NRXN2: variants seen among roughly 807,000 people sequenced by gnomAD.
The protein encoded by NRXN2 is neurexin-2-beta.
NRXN2 carries 29 observed loss-of-function variants against 128.8 expected under a neutral mutation model. The observed-to-expected ratio is 0.23, with a 90% confidence interval of 0.17 to 0.31. The LOEUF is 0.31. Among genes scored for constraint, NRXN2 ranks in the 10% least tolerant of loss-of-function variants. The pLI is 1.00. For synonymous variants in NRXN2, 1,098 were observed against 1,075.2 expected (o/e 1.02, Z -0.41); for missense variants, 1,881 against 2,452.6 (o/e 0.77, Z 4.92).
rs487662 is a variant in NRXN2, at chr11:64,714,408, G to A, written c.-244-465C>T. Among the ~76,000 whole-genome samples, 90,124 of 151,882 alleles carry A rather than the reference G, an allele frequency of 0.59. 29,341 individuals carry two copies. The highest frequency in any genetic ancestry group is 0.78 in the Middle Eastern group (230 of 294). ...GCTCTTGATACTGGATAATGAAGTT[G>A]CTAAATAATTCATTGGGATTAATTA... is the stretch of plus-strand genomic sequence containing the variant. On this transcript the variant is annotated intron_variant, in intron 1 of 22. Transcript: ENST00000265459. This position sits in a 1 kb window ranked among gnomAD's most constrained non-coding sequence, Gnocchi z 4.5.
chr11:64,624,540 G>C (rs2042834332), intron 20 of NRXN2, among the ~76,000 whole-genome samples: 1 of 152,244 alleles, frequency 6.6e-6, no homozygotes, highest in Non-Finnish European at 1.5e-5. Context: ...GAAGACCTCT[G>C]CATCAAAGTT....
intron 6 of NRXN2, among the ~76,000 whole-genome samples, chr11:64,677,502 G>A (rs1015382043): frequency 2.6e-5 from 4 of 152,116 alleles, no homozygotes; most frequent in African/African-American, 9.7e-5. Context: ...AGGTTAGTTC[G>A]GTTTTTCACT....
In NRXN2 at chr11:64,630,288, G is replaced by T. The variant is rs924895383; in HGVS notation, c.3757+114C>A. The T allele has an allele frequency of 7.1e-6, 7 of 990,624 alleles. No individual in the cohort carries two copies. Among genetic ancestry groups the T allele is most frequent in the Non-Finnish European group, 1.0e-5 (7 of 697,484 alleles). 61.4% of individuals were successfully genotyped at this position (990,624 alleles called of 1,614,324 possible). The stretch of plus-strand genomic sequence containing the variant: ...GTCTCTCCAGTAGCCCCGCCCCAGA[G>T]CCGCTTAGCCCCGCCCCAGAGCCGC... On this transcript the variant is annotated intron_variant, in intron 19 of 22. Coordinates refer to ENST00000265459, the MANE Select transcript of NRXN2 (RefSeq NM_015080.4). The surrounding 1 kb of genome is among the most constrained non-coding windows in gnomAD (Gnocchi z 4.6).
intron 7 of NRXN2, among the ~76,000 whole-genome samples, chr11:64,674,894 G>A (rs1274985255): frequency 1.3e-5 from 2 of 152,214 alleles, no homozygotes; most frequent in East Asian, 3.8e-4. Context: ...AGGCAATGCA[G>A]GTATACTACC....
intron 2 of NRXN2, among the ~76,000 whole-genome samples, chr11:64,699,264 C>T (rs1176644639): frequency 1.3e-5 from 2 of 152,112 alleles, no homozygotes; most frequent in South Asian, 4.1e-4. Flanking sequence ...GTGGCTAAAG[C>T]CATACAGCCA....
Position 64,622,646 on chromosome 11 carries a change from C to T in NRXN2, c.4173+107G>A, listed in dbSNP as rs560169319. The T allele has an allele frequency of 5.4e-6, 8 of 1,469,720 alleles. No homozygotes were observed. The South Asian group carries it at 9.0e-5, about 16-fold the overall frequency. 91.0% of individuals were successfully genotyped at this position (1,469,720 alleles called of 1,614,324 possible). A position where few individuals can be genotyped will look rare whatever the true frequency, so the allele number is the denominator to read the frequency against. On this transcript the variant is annotated intron_variant, in intron 21 of 22. Coordinates refer to ENST00000265459, the MANE Select transcript of NRXN2 (RefSeq NM_015080.4). This position sits in a 1 kb window ranked among gnomAD's most constrained non-coding sequence, Gnocchi z 4.3. Reference sequence around the variant, plus strand: ...GCGACAGCAGCCTTCAGGATCCCAACAGACCCCTTGGACCCTCACTCTAGG... The same window carrying T: ...GCGACAGCAGCCTTCAGGATCCCAATAGACCCCTTGGACCCTCACTCTAGG...
chr11:64,653,479 C>A (rs1348424779), intron 12 of NRXN2, among the ~76,000 whole-genome samples: 1 of 152,122 alleles, frequency 6.6e-6, no homozygotes, highest in East Asian at 1.9e-4. Flanking sequence ...GCAGGCCCTC[C>A]CCCAGCTCTC....
At position 64,607,070 on chromosome 11, in the gene NRXN2, T is replaced by C. The variant is rs2039741146; in HGVS notation, c.*126A>G. The C allele has an allele frequency of 9.6e-7, 1 of 1,043,406 alleles. No individual in the cohort carries two copies. The allele number at this position is 1,043,406 out of a possible 1,614,324, so 64.6% of individuals were successfully genotyped here. A position where few individuals can be genotyped will look rare whatever the true frequency, so the allele number is the denominator to read the frequency against. ...TTTCCTTTTCTTTTTTTGCGTTTCCTCTTCGTAAGAGAAGCCTGAGGCAGC... is the reference window on the plus strand; with the variant it reads ...TTTCCTTTTCTTTTTTTGCGTTTCCCCTTCGTAAGAGAAGCCTGAGGCAGC... On this transcript the variant is annotated 3_prime_UTR_variant, in exon 23 of 23. Coordinates refer to ENST00000265459, the MANE Select transcript of NRXN2 (RefSeq NM_015080.4).
At position 64,607,811 on chromosome 11, in the gene NRXN2, C is replaced by T. The variant is rs757120690; in HGVS notation, c.4524G>A (p.Thr1508=). The change falls in exon 23 of 23, where the codon ACG becomes ACA. Residue 1508 remains threonine (T), a synonymous_variant. Transcript: ENST00000265459. The part of the protein sequence containing the change: ...GEVFDSSLPP[T]DDEDFYTTFP... ...AGGTGGTGTAAAAGTCCTCGTCGTC[C>T]GTGGGGGGGAGGCTGGAGTCAAAGA... The T allele has an allele frequency of 4.4e-6, 7 of 1,601,490 alleles. 1 individual carries two copies. The highest frequency in any genetic ancestry group is 3.4e-5 in the South Asian group (3 of 88,658).
chr11:64,681,495 T>A (rs1031818794), intron 6 of NRXN2, among the ~76,000 whole-genome samples: 1 of 152,220 alleles, frequency 6.6e-6, no homozygotes, highest in African/African-American at 2.4e-5. Flanking sequence ...GAAGGCTTTT[T>A]GAAGAAGGTG....
chr11:64,678,347 A>G (rs1021250652), intron 6 of NRXN2, among the ~76,000 whole-genome samples: 1 of 151,696 alleles, frequency 6.6e-6, no homozygotes, highest in Non-Finnish European at 1.5e-5. Flanking sequence ...CCCCAACCCC[A>G]TTCTCTCACT....
Position 64,685,896 on chromosome 11 carries a change from T to C in NRXN2, c.902A>G (p.Asp301Gly). The C allele has an allele frequency of 3.1e-6, 5 of 1,614,086 alleles. No homozygotes were observed. The highest frequency in any genetic ancestry group is 4.2e-6 in the Non-Finnish European group (5 of 1,180,004). Reference protein sequence around the residue: ...TFKGNEFFCYDLSHNPIQSST... With the variant: ...TFKGNEFFCYGLSHNPIQSST... ...GCTCTGGATGGGGTTGTGTGACAGG[T>C]CGTAGCAGAAGAACTCATTGCCTTT... Residue 301 changes from aspartate to glycine, a missense_variant, in exon 6 of 23, where the codon GAC becomes GGC. Asp to Gly is a moderately conservative substitution (Grantham distance 94). Around this residue, in one of 7 missense-constraint regions of NRXN2, gnomAD observed 997 missense variants for 1,240.8 expected, o/e 0.80. Coordinates refer to ENST00000265459, the MANE Select transcript of NRXN2 (RefSeq NM_015080.4).
chr11:64,692,988 G>C (rs1194705843), intron 3 of NRXN2, 112 bp from the exon 4 acceptor site: 7 of 913,628 alleles, frequency 7.7e-6, no homozygotes, highest in African/African-American at 1.7e-5. Context: ...CAGAGAGAAG[G>C]GAGAAAAAAG....
Position 64,667,694 on chromosome 11 carries a change from G to A in NRXN2, c.1360-6C>T, listed in dbSNP as rs1414139678. On this transcript the variant is annotated splice_region_variant and splice_polypyrimidine_tract_variant and intron_variant, in intron 8 of 22. Transcript: ENST00000265459. The surrounding 1 kb of genome is among the most constrained non-coding windows in gnomAD (Gnocchi z 5.6). ...TCATTGTTCTTATAGACCACCTGCA[G>A]GGAGGGGTGGGGTCAGGGATAAAGA... 4 of 1,613,744 alleles carry A rather than the reference G, an allele frequency of 2.5e-6. No individual in the cohort carries two copies. The highest frequency in any genetic ancestry group is 2.5e-6 in the Non-Finnish European group (3 of 1,179,932).
rs186124147 is a variant in NRXN2 at position 64,667,812 on chromosome 11, C to T, written c.1360-124G>A. The T allele has an allele frequency of 5.0e-5, 42 of 843,724 alleles. 1 individual carries two copies. In the Admixed American group the frequency reaches 6.3e-4, roughly 13 times the overall value. 52.3% of individuals were successfully genotyped at this position (843,724 alleles called of 1,614,324 possible). A position where few individuals can be genotyped will look rare whatever the true frequency, so the allele number is the denominator to read the frequency against. ...CCCCTGTAGCCCCTGCTCAGTTCCA[C>T]CAGACCACCCGCTTAGGCCTCTGTT... On this transcript the variant is annotated intron_variant, in intron 8 of 22. Coordinates refer to ENST00000265459, the MANE Select transcript of NRXN2 (RefSeq NM_015080.4). The surrounding 1 kb of genome is among the most constrained non-coding windows in gnomAD (Gnocchi z 5.6).
chr11:64,652,313 T>G (rs2047581756), intron 12 of NRXN2, among the ~76,000 whole-genome samples, 159 bp from the exon 13 acceptor site: 1 of 152,074 alleles, frequency 6.6e-6, no homozygotes, highest in Non-Finnish European at 1.5e-5. Context: ...AACACACCCA[T>G]GAATACAAGT....
intron 4 of NRXN2, among the ~76,000 whole-genome samples, chr11:64,691,917 C>A (rs1485987780): frequency 2.0e-5 from 3 of 152,198 alleles, no homozygotes; most frequent in African/African-American, 7.2e-5. Context: ...GACCCCCCCA[C>A]AGAGGGCTGA....
At chr11:64,719,137 T>A (rs1476231682) in intron 1 of NRXN2, among the ~76,000 whole-genome samples, 6 of 152,242 alleles carry the variant, frequency 3.9e-5, no homozygotes, top group Admixed American at 1.3e-4. Flanking sequence ...ATGATTTTTT[T>A]AAAACTTCTC....
intron 9 of NRXN2, among the ~76,000 whole-genome samples, chr11:64,662,765 G>A (rs1004036252): frequency 1.6e-4 from 24 of 151,920 alleles, no homozygotes; most frequent in African/African-American, 5.3e-4. Flanking sequence ...CTGGGCGACA[G>A]AGCGAGATTC....
Sources: allele counts gnomAD v4.1 joint callset (sites outside exome capture counted in the v4.1 genomes callset), GRCh38; gene constraint gnomAD v4.1.1; regional missense constraint gnomAD v4.1.1; non-coding constraint Gnocchi (gnomAD v3.1); transcripts MANE v1.5; gene names NCBI Gene and HGNC (gene_info 2026-07-23, HGNC 2026-07-21).